AUTS2: variants seen among roughly 807,000 people sequenced by gnomAD.
AUTS2 encodes the protein activator of transcription and developmental regulator AUTS2, also known as autism susceptibility gene 2 protein.
Under a neutral mutation model 112.4 loss-of-function variants are expected in AUTS2, and 17 were observed. The observed-to-expected ratio is 0.15, with a 90% CI of 0.10 to 0.23. AUTS2 has a LOEUF of 0.23. Among genes scored for constraint, AUTS2 ranks in the 10% least tolerant of loss-of-function variants. AUTS2 has a pLI of 1.00. For synonymous variants in AUTS2, 751 were observed against 702.7 expected (o/e 1.07, Z -1.09); for missense variants, 1,510 against 1,701.6 (o/e 0.89, Z 1.98).
chr7:70,383,308 C>T (rs1354156013), intron 4 of AUTS2, among the ~76,000 whole-genome samples: 1 of 152,070 alleles, frequency 6.6e-6, no homozygotes, highest in African/African-American at 2.4e-5. Flanking sequence ...CTTATCACTC[C>T]ATGCGGTTTG....
chr7:69,705,891 G>A (rs948790289), intron 1 of AUTS2, among the ~76,000 whole-genome samples: 2 of 151,880 alleles, frequency 1.3e-5, no homozygotes, highest in Non-Finnish European at 1.5e-5. Flanking sequence ...GCACATATCC[G>A]TGTTCAGATT....
intron 2 of AUTS2, among the ~76,000 whole-genome samples, chr7:70,082,612 C>A (rs1803375928): frequency 6.6e-6 from 1 of 152,192 alleles, no homozygotes; most frequent in Non-Finnish European, 1.5e-5. Flanking sequence ...AATGAGAAAC[C>A]TGGCCTTTTA....
intron 6 of AUTS2, among the ~76,000 whole-genome samples, chr7:70,702,639 G>C (rs12698915): frequency 0.09 from 13,738 of 152,180 alleles, 817 homozygotes; most frequent in South Asian, 0.18. Context: ...TCTTTCTACT[G>C]TGGGCACCCA....
intron 5 of AUTS2, among the ~76,000 whole-genome samples, chr7:70,440,226 TAAAA>T (rs768717430): frequency 3.2e-5 from 3 of 92,832 alleles, no homozygotes; most frequent in Admixed American, 1.2e-4. Flanking sequence ...GCCCTGTCTC[TAAAA>T]AAAAAAAAAA....
At chr7:70,485,792 A>G (rs1034638389) in intron 5 of AUTS2, among the ~76,000 whole-genome samples, 1 of 151,870 alleles carries the variant, frequency 6.6e-6, no homozygotes, top group Non-Finnish European at 1.5e-5. Flanking sequence ...TGTGATCTTT[A>G]TGATTGCTGT....
At chr7:70,189,785 G>A (rs558044444) in intron 4 of AUTS2, among the ~76,000 whole-genome samples, 102 of 152,110 alleles carry the variant, frequency 6.7e-4, no homozygotes, top group Non-Finnish European at 1.2e-3. Flanking sequence ...TTGACTGCAC[G>A]ATGAGCTTCA....
At chr7:69,778,458 G>A (rs1788994460) in intron 1 of AUTS2, among the ~76,000 whole-genome samples, 1 of 151,754 alleles carries the variant, frequency 6.6e-6, no homozygotes, top group Admixed American at 6.6e-5. Context: ...CAGAATCTCA[G>A]TGGGGTAGGA....
chr7:70,768,615 C>G (rs1790091675), intron 10 of AUTS2, among the ~76,000 whole-genome samples: 3 of 151,842 alleles, frequency 2.0e-5, no homozygotes, highest in South Asian at 2.1e-4. Flanking sequence ...AAAGAAACTC[C>G]CAAAATTGAA....
intron 2 of AUTS2, among the ~76,000 whole-genome samples, chr7:70,028,831 A>G (rs369498752): frequency 6.6e-6 from 1 of 152,186 alleles, no homozygotes. Flanking sequence ...ATCTACCCTG[A>G]GGAATATCCC....
At chr7:70,018,890 A>G (rs1800148928) in intron 2 of AUTS2, among the ~76,000 whole-genome samples, 1 of 152,202 alleles carries the variant, frequency 6.6e-6, no homozygotes, top group South Asian at 2.1e-4. Flanking sequence ...ATAACAGTCA[A>G]CTCAGCAGTT....
intron 4 of AUTS2, 75 bp downstream of exon 4, chr7:70,134,646 A>G: frequency 7.5e-7 from 1 of 1,342,146 alleles, no homozygotes. Flanking sequence ...GCTCATTGGG[A>G]TATGAAAAAA....
At chr7:69,714,444 G>C (rs1241028015) in intron 1 of AUTS2, among the ~76,000 whole-genome samples, 1 of 151,980 alleles carries the variant, frequency 6.6e-6, no homozygotes, top group Non-Finnish European at 1.5e-5. Context: ...AATTATGTCA[G>C]CATCATTTGT....
At position 69,993,691 on chromosome 7, in the gene AUTS2, A is replaced by G. The variant is rs538580251; in HGVS notation, c.522+94193A>G. ...ACAGTCTACAGTGAGCCGTGATCAT[A>G]TTACTGCACTTTAGCCTGGGCAATA... On this transcript the variant is annotated intron_variant, in intron 2 of 18. Coordinates refer to ENST00000342771, the MANE Select transcript of AUTS2 (RefSeq NM_015570.4). Among the ~76,000 whole-genome samples, 14 of 151,966 alleles carry G rather than the reference A, an allele frequency of 9.2e-5. No individual in the cohort carries two copies. The South Asian group carries it at 2.9e-3, about 32-fold the overall frequency.
intron 1 of AUTS2, among the ~76,000 whole-genome samples, chr7:69,687,001 A>G (rs1797091267): frequency 1.3e-5 from 2 of 152,202 alleles, no homozygotes; most frequent in Non-Finnish European, 2.9e-5. Flanking sequence ...TTATTTAGAG[A>G]CTATAAAGTC....
intron 2 of AUTS2, among the ~76,000 whole-genome samples, chr7:69,978,006 C>A (rs539449278): frequency 6.6e-6 from 1 of 152,124 alleles, no homozygotes; most frequent in South Asian, 2.1e-4. Context: ...ATGTCTACTC[C>A]ATTTTCTTGG....
chr7:70,413,223 T>G (rs920847229), intron 4 of AUTS2, among the ~76,000 whole-genome samples: 1 of 152,188 alleles, frequency 6.6e-6, no homozygotes, highest in African/African-American at 2.4e-5. Context: ...TGTATTTAAG[T>G]AACCAGAATG....
intron 3 of AUTS2, among the ~76,000 whole-genome samples, chr7:70,125,695 C>G (rs1438216183): frequency 6.6e-6 from 1 of 152,114 alleles, no homozygotes; most frequent in African/African-American, 2.4e-5. Flanking sequence ...GGGTCACCTC[C>G]TACCCGGCAA....
intron 3 of AUTS2, among the ~76,000 whole-genome samples, chr7:70,127,446 T>C (rs774640780): frequency 1.3e-4 from 20 of 152,338 alleles, no homozygotes; most frequent in Non-Finnish European, 2.9e-4. Flanking sequence ...CTATTTTATT[T>C]CTGTTCTTTT....
In AUTS2 at chr7:70,790,583, G is replaced by GACTACAGCC. The variant is rs749553185; in HGVS notation, c.3370_3378dup (p.Tyr1124_His1126dup). On this transcript the variant is annotated inframe_insertion, in exon 19 of 19. Transcript: ENST00000342771. This position sits in a 1 kb window ranked among gnomAD's most constrained non-coding sequence, Gnocchi z 7.6. ...CTCCTTCAGGGACCGGGAGCCTCAC[G>GACTACAGCC]ACTACAGCCACCACCACCACCACCA... 4 of 1,601,808 alleles carry GACTACAGCC rather than the reference G, an allele frequency of 2.5e-6. No homozygotes were observed. Among genetic ancestry groups the GACTACAGCC allele is most frequent in the Non-Finnish European group, 3.4e-6 (4 of 1,175,300 alleles).
Sources: gnomAD v4.1 joint callset for allele counts (sites outside exome capture counted in the v4.1 genomes callset) on GRCh38, gnomAD v4.1.1 for gene constraint, Gnocchi (gnomAD v3.1) non-coding constraint, MANE v1.5 for transcripts, NCBI Gene and HGNC (gene_info 2026-07-23, HGNC 2026-07-21) for gene names.